The following PARVA variants were observed in gnomAD, a reference collection of about 807,000 sequenced individuals.
PARVA encodes alpha-parvin.
A neutral mutation model predicts 52.6 loss-of-function variants in PARVA; 25 were observed. That is an observed-to-expected ratio of 0.48 (90% CI 0.35 to 0.66). The LOEUF is 0.66. Among genes scored for constraint, PARVA ranks in the 30% least tolerant of loss-of-function variants. The probability of loss-of-function intolerance (pLI) is 0.01; values close to 1 mark genes in which losing one functional copy is unlikely to be tolerated. For missense variants in PARVA, 373 were observed against 450.9 expected (o/e 0.83, Z 1.56); for synonymous variants, 185 against 179.1 (o/e 1.03, Z -0.26).
chr11:12,451,125 C>T (rs1330883017), intron 1 of PARVA, among the ~76,000 whole-genome samples: 1 of 152,174 alleles, frequency 6.6e-6, no homozygotes, highest in Non-Finnish European at 1.5e-5. Flanking sequence ...GTTTTTCTTG[C>T]CCTGATGCTT....
At chr11:12,435,689 G>C (rs1276788740) in intron 1 of PARVA, among the ~76,000 whole-genome samples, 1 of 152,188 alleles carries the variant, frequency 6.6e-6, no homozygotes. Context: ...TGGAAACAGT[G>C]TAGGGTTTGG....
At chr11:12,397,987 G>A (rs747635058) in intron 1 of PARVA, among the ~76,000 whole-genome samples, 66 of 152,212 alleles carry the variant, frequency 4.3e-4, no homozygotes, top group Non-Finnish European at 6.9e-4. Flanking sequence ...CCCAGCACGG[G>A]CCTCTCTGCC....
chr11:12,451,851 T>C (rs994452613), intron 1 of PARVA, among the ~76,000 whole-genome samples: 4 of 152,190 alleles, frequency 2.6e-5, no homozygotes, highest in African/African-American at 4.8e-5. Flanking sequence ...AGCCATTGGC[T>C]CCTTGAAGAA....
chr11:12,509,005 A>C (rs779534168), intron 7 of PARVA, among the ~76,000 whole-genome samples: 5 of 151,850 alleles, frequency 3.3e-5, no homozygotes, highest in Non-Finnish European at 7.4e-5. Flanking sequence ...TCCTTTTCTG[A>C]ATCTGATTTG....
At chr11:12,418,012 G>A (rs944147508) in intron 1 of PARVA, among the ~76,000 whole-genome samples, 2 of 152,200 alleles carry the variant, frequency 1.3e-5, no homozygotes. Context: ...GAGTGGGGTG[G>A]GGAAGAGAAG....
intron 6 of PARVA, among the ~76,000 whole-genome samples, chr11:12,507,458 A>T (rs1012323581): frequency 6.6e-6 from 1 of 152,106 alleles, no homozygotes; most frequent in African/African-American, 2.4e-5. Context: ...GTGCTTTTTA[A>T]ACCCTCCAAA....
chr11:12,508,571 A>G lies in PARVA; in HGVS notation c.658-13A>G. Reference sequence around the variant, plus strand: ...TCTTCTCCTCCCAACCCCTTTCCCCACCCCCATTTCAGAAACGAGAAGGAA... The same window carrying G: ...TCTTCTCCTCCCAACCCCTTTCCCCGCCCCCATTTCAGAAACGAGAAGGAA... On this transcript the variant is annotated splice_polypyrimidine_tract_variant and intron_variant, in intron 6 of 12. Coordinates refer to ENST00000334956, the MANE Select transcript of PARVA (RefSeq NM_018222.5). 6.3e-7 allele frequency: 1 copy of G among 1,598,014 alleles called. No individual in the cohort carries two copies. The highest frequency in any genetic ancestry group is 8.6e-7 in the Non-Finnish European group (1 of 1,167,980).
intron 10 of PARVA, among the ~76,000 whole-genome samples, chr11:12,515,360 A>G (rs1941554695): frequency 1.3e-5 from 2 of 152,136 alleles, no homozygotes; most frequent in Admixed American, 6.5e-5. Flanking sequence ...GAGTGTGTCT[A>G]GACTGTGTGA....
chr11:12,390,106 C>T (rs1474405408), intron 1 of PARVA, among the ~76,000 whole-genome samples: 1 of 152,198 alleles, frequency 6.6e-6, no homozygotes, highest in East Asian at 1.9e-4. Flanking sequence ...TGTTTCTTCT[C>T]TCTTGGTGAC....
At position 12,477,854 on chromosome 11, in the gene PARVA, T is replaced by C. The variant is rs369665356; in HGVS notation, c.305T>C (p.Ile102Thr). ...PKLQELMKVLIDWINDVLVGE... is the reference protein window; with the variant it reads ...PKLQELMKVLTDWINDVLVGE... ...CTTTCTCTCTCTCTGTAGGTATTAA[T>C]TGACTGGATTAATGATGTGTTGGTT... Residue 102 changes from isoleucine (I) to threonine (T), a missense_variant, in exon 4 of 13, where the codon ATT (isoleucine) becomes ACT (threonine). Transcript: ENST00000334956. 142 of 1,558,448 alleles carry C rather than the reference T, an allele frequency of 9.1e-5. No individual in the cohort carries two copies. The highest frequency in any genetic ancestry group is 1.1e-4 in the Non-Finnish European group (121 of 1,129,402).
intron 1 of PARVA, among the ~76,000 whole-genome samples, chr11:12,426,303 G>A (rs1940234413): frequency 6.6e-6 from 1 of 152,138 alleles, no homozygotes; most frequent in African/African-American, 2.4e-5. Flanking sequence ...CTGTCTGAGG[G>A]AACAGCATAT....
At chr11:12,471,407 T>C (rs1255091385) in intron 1 of PARVA, among the ~76,000 whole-genome samples, 2 of 152,214 alleles carry the variant, frequency 1.3e-5, no homozygotes, top group African/African-American at 4.8e-5. Context: ...CAGGGGTACA[T>C]GTTTGTTACA....
chr11:12,457,209 G>A (rs749403143), intron 1 of PARVA, among the ~76,000 whole-genome samples: 24 of 152,242 alleles, frequency 1.6e-4, no homozygotes, highest in Non-Finnish European at 2.6e-4. Flanking sequence ...TCAGCAGAAC[G>A]TCAGACAGGC....
At chr11:12,437,703 C>T (rs2135000410) in intron 1 of PARVA, among the ~76,000 whole-genome samples, 1 of 152,240 alleles carries the variant, frequency 6.6e-6, no homozygotes, top group Non-Finnish European at 1.5e-5. Flanking sequence ...TCCAGGTCTC[C>T]TTTGGGAAGG....
intron 1 of PARVA, among the ~76,000 whole-genome samples, chr11:12,390,936 C>G (rs1410113580): frequency 6.6e-6 from 1 of 151,916 alleles, no homozygotes; most frequent in African/African-American, 2.4e-5. Flanking sequence ...CTGAAATAGC[C>G]CCATGTAAGG....
intron 4 of PARVA, among the ~76,000 whole-genome samples, chr11:12,486,378 A>G (rs1232997669): frequency 6.6e-6 from 1 of 151,958 alleles, no homozygotes; most frequent in Non-Finnish European, 1.5e-5. Context: ...TACTAAAAAT[A>G]CAAAATTAGC....
chr11:12,533,292 G>A lies in PARVA; in HGVS notation c.*5367G>A, dbSNP rs1445759440. ...CCAGTGCTTCCAGCCCTCTCACCTC[G>A]GAGGAGGACTCCTGTTTTACCAACG... On this transcript the variant is annotated 3_prime_UTR_variant, in exon 13 of 13. Transcript: ENST00000334956. Among the ~76,000 whole-genome samples, 1 of 152,174 alleles carries A rather than the reference G, an allele frequency of 6.6e-6. No homozygotes were observed. The highest frequency in any genetic ancestry group is 1.5e-5 in the Non-Finnish European group (1 of 68,032).
chr11:12,469,753 C>T (rs1327472827), intron 1 of PARVA, among the ~76,000 whole-genome samples: 1 of 152,204 alleles, frequency 6.6e-6, no homozygotes, highest in Non-Finnish European at 1.5e-5. Flanking sequence ...TTTCCAATTG[C>T]AAACATATCT....
intron 1 of PARVA, among the ~76,000 whole-genome samples, chr11:12,390,208 G>A (rs1055188678): frequency 3.9e-5 from 6 of 152,166 alleles, no homozygotes; most frequent in African/African-American, 1.4e-4. Context: ...GTATTACATT[G>A]ACTTTCCAAT....
Sources: gnomAD v4.1 joint callset for allele counts (sites outside exome capture counted in the v4.1 genomes callset) on GRCh38, gnomAD v4.1.1 for gene constraint, MANE v1.5 for transcripts, NCBI Gene and HGNC (gene_info 2026-07-23, HGNC 2026-07-21) for gene names.